EPM2AIP1: variants seen among roughly 807,000 people sequenced by gnomAD.
EPM2AIP1 encodes EPM2A-interacting protein 1.
In EPM2AIP1, 23 loss-of-function variants were observed where a neutral mutation model predicts 44.8. The observed-to-expected ratio is 0.51, with a 90% confidence interval of 0.37 to 0.73. The LOEUF (loss-of-function observed/expected upper bound fraction) is 0.73, where lower values mean the gene tolerates loss of function less well. Among genes scored for constraint, EPM2AIP1 ranks in the 30% least tolerant of loss-of-function variants. EPM2AIP1 has a pLI of 0.00. For missense variants in EPM2AIP1, 652 were observed against 743.9 expected (o/e 0.88, Z 1.44); for synonymous variants, 311 against 284.3 (o/e 1.09, Z -0.94).
At position 36,990,346 on chromosome 3, in the gene EPM2AIP1, A is replaced by G. The variant is rs780948401; in HGVS notation, c.*908T>C. ...AAATAAAGCAGCAATACCCACGCAG[A>G]TAAGACAAAAAAGCTAAAATATCTC... On this transcript the variant is annotated 3_prime_UTR_variant, in exon 1 of 1. Transcript: ENST00000322716. 8 of 890,092 alleles carry G rather than the reference A, an allele frequency of 9.0e-6. No homozygotes were observed. The highest frequency in any genetic ancestry group is 1.8e-5 in the African/African-American group (1 of 55,206). 55.1% of individuals were successfully genotyped at this position (890,092 alleles called of 1,614,324 possible).
chr3:36,990,584 C>G lies in EPM2AIP1; in HGVS notation c.*670G>C. 3.0e-6 allele frequency: 3 copies of G among 985,272 alleles called. No homozygotes were observed. Among genetic ancestry groups the G allele is most frequent in the Non-Finnish European group, 3.6e-6 (3 of 829,672 alleles). The allele number at this position is 985,272 out of a possible 1,614,324, so 61.0% of individuals were successfully genotyped here. On this transcript the variant is annotated 3_prime_UTR_variant, in exon 1 of 1. Transcript: ENST00000322716. ...GAAAACCCCCAATAATTAGTCTTATCTCCAAATTGCATGAAGTCTCCTATA... is the reference window on the plus strand; with the variant it reads ...GAAAACCCCCAATAATTAGTCTTATGTCCAAATTGCATGAAGTCTCCTATA...
chr3:36,989,446 T>G lies in EPM2AIP1; in HGVS notation c.*1808A>C, dbSNP rs1313132063. ...TATAACAGGACAGAGCCCTTAAATCTGATTCAATTATTAATTCCTGATTTA... is the reference window on the plus strand; with the variant it reads ...TATAACAGGACAGAGCCCTTAAATCGGATTCAATTATTAATTCCTGATTTA... On this transcript the variant is annotated 3_prime_UTR_variant, in exon 1 of 1. Coordinates refer to ENST00000322716, the MANE Select transcript of EPM2AIP1 (RefSeq NM_014805.4). The G allele has an allele frequency of 1.3e-5, 2 of 152,222 alleles. No homozygotes were observed. The highest frequency in any genetic ancestry group is 3.9e-4 in the East Asian group (2 of 5,184). The allele number at this position is 152,222 out of a possible 1,614,324, so 9.4% of individuals were successfully genotyped here.
chr3:36,991,695 T>A lies in EPM2AIP1; in HGVS notation c.1383A>T (p.Gln461His). The A allele has an allele frequency of 6.2e-7, 1 of 1,613,450 alleles. No individual in the cohort carries two copies. The highest frequency in any genetic ancestry group is 1.1e-5 in the South Asian group (1 of 91,040). ...DEKIFDPDRY[Q>H]MVICRLQKEF... ...CTTTTTGGAGACGACAGATCACCAT[T>A]TGATACCTATCAGGATCAAATATTT... Residue 461 changes from glutamine to histidine, a missense_variant, in exon 1 of 1, where the codon CAA becomes CAT. By Grantham distance (24) the Gln-to-His change is conservative. Coordinates refer to ENST00000322716, the MANE Select transcript of EPM2AIP1 (RefSeq NM_014805.4).
At position 36,992,587 on chromosome 3, in the gene EPM2AIP1, T is replaced by A; in HGVS notation, c.491A>T (p.Gln164Leu). 1 of 1,614,056 alleles carries A rather than the reference T, an allele frequency of 6.2e-7. No homozygotes were observed. The highest frequency in any genetic ancestry group is 8.5e-7 in the Non-Finnish European group (1 of 1,179,900). Residue 164 changes from glutamine to leucine, a missense_variant, in exon 1 of 1, where the codon CAG becomes CTG. Transcript: ENST00000322716. This position sits in a 1 kb window ranked among gnomAD's most constrained non-coding sequence, Gnocchi z 5.3. ...AAAGTCCCTGGCTCGGTTAAAAAGC[T>A]GGTTGCGTAGATTCCTGTCAATGCT... ...ILSIDRNLRN[Q>L]LFNRARDFKA...
Position 36,985,762 on chromosome 3 carries a change from A to G in EPM2AIP1, c.*5492T>C, listed in dbSNP as rs1346983234. 1.3e-5 allele frequency: 2 copies of G among 152,248 alleles called. No individual in the cohort carries two copies. Among genetic ancestry groups the G allele is most frequent in the African/African-American group, 2.4e-5 (1 of 41,470 alleles). 9.4% of individuals were successfully genotyped at this position (152,248 alleles called of 1,614,324 possible). The stretch of plus-strand genomic sequence containing the variant: ...AACTTTCTCTGTAAAGGGCCACAGA[A>G]TAAGTATTTTAGGTTTTGTGAGATG... On this transcript the variant is annotated 3_prime_UTR_variant, in exon 1 of 1. Coordinates refer to ENST00000322716, the MANE Select transcript of EPM2AIP1 (RefSeq NM_014805.4).
rs746801583 is a variant in EPM2AIP1, at chr3:36,992,808, G to A, written c.270C>T (p.Ser90=). 1.2e-5 allele frequency: 19 copies of A among 1,612,694 alleles called. No homozygotes were observed. Among genetic ancestry groups the A allele is most frequent in the Non-Finnish European group, 1.5e-5 (18 of 1,179,858 alleles). ...GAGCAGCTCTCTCTTCAGGAGTGAA[G>A]GAGGCCACGGGCAAGTCGCCCTGAC... ...RLRQGDLPVA[S]FTPEERAARA... is the part of the protein sequence containing the mutation. The change falls in exon 1 of 1, where the codon TCC becomes TCT. Residue 90 remains serine (S), a synonymous_variant. Coordinates refer to ENST00000322716, the MANE Select transcript of EPM2AIP1 (RefSeq NM_014805.4). The surrounding 1 kb of genome is among the most constrained non-coding windows in gnomAD (Gnocchi z 5.3).
chr3:36,991,752 A>G lies in EPM2AIP1; in HGVS notation c.1326T>C (p.Asp442=). Reference sequence around the variant, plus strand: ...CTTCCTTATTTTGCTGTTTTAGCTCATCAACAACTTCTCTGAGGGCAGGAA... The same window carrying G: ...CTTCCTTATTTTGCTGTTTTAGCTCGTCAACAACTTCTCTGAGGGCAGGAA... The part of the protein sequence containing the change: ...TDFPALREVV[D]ELKQQNKEDE... The change falls in exon 1 of 1, where the codon GAT becomes GAC. Residue 442 remains aspartate, a synonymous_variant. Transcript: ENST00000322716. 1 of 1,613,860 alleles carries G rather than the reference A, an allele frequency of 6.2e-7. No individual in the cohort carries two copies. The highest frequency in any genetic ancestry group is 1.6e-4 in the Middle Eastern group (1 of 6,062).
Position 36,992,396 on chromosome 3 carries a change from G to C in EPM2AIP1, c.682C>G (p.Leu228Val), listed in dbSNP as rs750146974. 1 of 1,613,792 alleles carries C rather than the reference G, an allele frequency of 6.2e-7. No individual in the cohort carries two copies. Among genetic ancestry groups the C allele is most frequent in the African/African-American group, 1.3e-5 (1 of 74,890 alleles). ...AGCCCTGCTGTCTGCAGGGACTCTA[G>C]GATTGCCGACATGAGCGCACCAACA... The part of the protein sequence containing the change: ...FSVGALMSAI[L>V]ESLQTAGLSL... The change falls in exon 1 of 1, where the codon CTA (leucine) becomes GTA (valine). Residue 228 changes from leucine (L) to valine (V), a missense_variant. Coordinates refer to ENST00000322716, the MANE Select transcript of EPM2AIP1 (RefSeq NM_014805.4). This position sits in a 1 kb window ranked among gnomAD's most constrained non-coding sequence, Gnocchi z 5.3.
chr3:36,990,611 C>G lies in EPM2AIP1; in HGVS notation c.*643G>C. The G allele has an allele frequency of 1.0e-6, 1 of 985,308 alleles. No individual in the cohort carries two copies. The highest frequency in any genetic ancestry group is 1.2e-6 in the Non-Finnish European group (1 of 829,650). 61.0% of individuals were successfully genotyped at this position (985,308 alleles called of 1,614,324 possible). ...CCAAATTGCATGAAGTCTCCTATAT[C>G]TGAAACTTAAAAATGATTCTAATGA... On this transcript the variant is annotated 3_prime_UTR_variant, in exon 1 of 1. Transcript: ENST00000322716.
In EPM2AIP1 at chr3:36,991,085, A is replaced by T; in HGVS notation, c.*169T>A. ...TCTCATGTTTCAGTCCCATGCTGCC[A>T]TTTGAGATGAAAAAAAAGGCAACTG... On this transcript the variant is annotated 3_prime_UTR_variant, in exon 1 of 1. Transcript: ENST00000322716. The T allele has an allele frequency of 7.5e-7, 1 of 1,339,822 alleles. No homozygotes were observed. The highest frequency in any genetic ancestry group is 9.6e-7 in the Non-Finnish European group (1 of 1,045,672). 83.0% of individuals were successfully genotyped at this position (1,339,822 alleles called of 1,614,324 possible).
In EPM2AIP1 at chr3:36,989,282, T is replaced by C. The variant is rs1465852630; in HGVS notation, c.*1972A>G. ...AAGCTATTGGGAAATTACCGGTAGA[T>C]TTTTCTGTTTTTTTTTTTCGGTTTT... On this transcript the variant is annotated 3_prime_UTR_variant, in exon 1 of 1. Transcript: ENST00000322716. 2.0e-5 allele frequency: 3 copies of C among 151,906 alleles called. No individual in the cohort carries two copies. Among genetic ancestry groups the C allele is most frequent in the Admixed American group, 2.0e-4 (3 of 15,244 alleles). The allele number at this position is 151,906 out of a possible 1,614,324, so 9.4% of individuals were successfully genotyped here.
rs2080777741 is a variant in EPM2AIP1, at chr3:36,987,653, A to G, written c.*3601T>C. ...AACAGAGAAAACCACAATTTGTTTA[A>G]CAGTCACATAATACATATTTAAGTC... On this transcript the variant is annotated 3_prime_UTR_variant, in exon 1 of 1. Coordinates refer to ENST00000322716, the MANE Select transcript of EPM2AIP1 (RefSeq NM_014805.4). 2 of 152,144 alleles carry G rather than the reference A, an allele frequency of 1.3e-5. No homozygotes were observed. The highest frequency in any genetic ancestry group is 4.1e-4 in the South Asian group (2 of 4,836). 9.4% of individuals were successfully genotyped at this position (152,144 alleles called of 1,614,324 possible).
In EPM2AIP1 at chr3:36,993,039, G is replaced by C. The variant is rs1416831925; in HGVS notation, c.39C>G (p.Asp13Glu). The C allele has an allele frequency of 6.2e-7, 1 of 1,610,974 alleles. No homozygotes were observed. The highest frequency in any genetic ancestry group is 8.5e-7 in the Non-Finnish European group (1 of 1,178,436). Reference protein sequence around the residue: ...MTPKRSKMEVDEALVFRPEWT... With the variant: ...MTPKRSKMEVEEALVFRPEWT... ...ACTCGGGCCGGAAAACTAGAGCCTC[G>C]TCGACTTCCATCTTGCTTCTTTTGG... Residue 13 changes from aspartate to glutamate, a missense_variant, in exon 1 of 1, where the codon GAC becomes GAG. Transcript: ENST00000322716.
Position 36,992,968 on chromosome 3 carries a change from G to A in EPM2AIP1, c.110C>T (p.Ala37Val). The A allele has an allele frequency of 6.2e-7, 1 of 1,613,032 alleles. No individual in the cohort carries two copies. Among genetic ancestry groups the A allele is most frequent in the Non-Finnish European group, 8.5e-7 (1 of 1,179,886 alleles). ...GAGGCGGCGACAGACCAGGCACAGG[G>A]CCCCATCGCCCTCCGGAGGCTCCAC... ...LVVEPPEGDG[A>V]LCLVCRRLIV... is the part of the protein sequence containing the mutation. Residue 37 changes from alanine (A) to valine (V), a missense_variant, in exon 1 of 1, where the codon GCC becomes GTC. Transcript: ENST00000322716. This position sits in a 1 kb window ranked among gnomAD's most constrained non-coding sequence, Gnocchi z 5.3.
rs1012488956 is a variant in EPM2AIP1 at position 36,985,537 on chromosome 3, G to A, written c.*5717C>T. On this transcript the variant is annotated 3_prime_UTR_variant, in exon 1 of 1. Coordinates refer to ENST00000322716, the MANE Select transcript of EPM2AIP1 (RefSeq NM_014805.4). ...CAAATATTTCTGGTTTTTCTCCCAG[G>A]TATATGCAAGGATCACACTCCTCCT... 1.3e-5 allele frequency: 2 copies of A among 152,158 alleles called. No individual in the cohort carries two copies. The highest frequency in any genetic ancestry group is 2.9e-5 in the Non-Finnish European group (2 of 68,034). The allele number at this position is 152,158 out of a possible 1,614,324, so 9.4% of individuals were successfully genotyped here. A position where few individuals can be genotyped will look rare whatever the true frequency, so the allele number is the denominator to read the frequency against.
rs1272356156 is a variant in EPM2AIP1 at position 36,991,210 on chromosome 3, G to A, written c.*44C>T. On this transcript the variant is annotated 3_prime_UTR_variant, in exon 1 of 1. Coordinates refer to ENST00000322716, the MANE Select transcript of EPM2AIP1 (RefSeq NM_014805.4). ...AAACTCAAACCAATTTTTGCTTTTA[G>A]AATTAAATTCTTGTTGAGTTTTTCA... 16 of 1,505,292 alleles carry A rather than the reference G, an allele frequency of 1.1e-5. No homozygotes were observed. The highest frequency in any genetic ancestry group is 1.4e-5 in the Non-Finnish European group (16 of 1,125,602). 93.2% of individuals were successfully genotyped at this position (1,505,292 alleles called of 1,614,324 possible).
Position 36,992,983 on chromosome 3 carries a change from G to A in EPM2AIP1, c.95C>T (p.Pro32Leu), listed in dbSNP as rs1036302604. The change falls in exon 1 of 1, where the codon CCG becomes CTG. Residue 32 changes from proline (P) to leucine (L), a missense_variant. Physicochemically the swap from Pro to Leu is moderately conservative, Grantham distance 98. Transcript: ENST00000322716. This position sits in a 1 kb window ranked among gnomAD's most constrained non-coding sequence, Gnocchi z 5.3. Reference protein sequence around the residue: ...WTQRYLVVEPPEGDGALCLVC... With the variant: ...WTQRYLVVEPLEGDGALCLVC... ...CAGGCACAGGGCCCCATCGCCCTCC[G>A]GAGGCTCCACCACCAAATAACGCTG... 6.2e-7 allele frequency: 1 copy of A among 1,613,120 alleles called. No homozygotes were observed. Among genetic ancestry groups the A allele is most frequent in the African/African-American group, 1.3e-5 (1 of 75,062 alleles).
In EPM2AIP1 at chr3:36,988,974, CTTTTTTCTTTTTCTTTTTTTTTT is replaced by C. The variant is rs1559494844; in HGVS notation, c.*2257_*2279del. On this transcript the variant is annotated 3_prime_UTR_variant, in exon 1 of 1. Coordinates refer to ENST00000322716, the MANE Select transcript of EPM2AIP1 (RefSeq NM_014805.4). The stretch of plus-strand genomic sequence containing the variant: ...TTAATACAGAAAACAGTAAAATACA[CTTTTTTCTTTTTCTTTTTTTTTT>C]TTTTTTTTTACAAACAAGACTAGCT... 3.6e-5 allele frequency: 5 copies of C among 139,256 alleles called. No homozygotes were observed. The highest frequency in any genetic ancestry group is 1.1e-4 in the African/African-American group (4 of 34,820). 8.6% of individuals were successfully genotyped at this position (139,256 alleles called of 1,614,324 possible). A position where few individuals can be genotyped will look rare whatever the true frequency, so the allele number is the denominator to read the frequency against.
chr3:36,985,185 A>G lies in EPM2AIP1; in HGVS notation c.*6069T>C, dbSNP rs1178457263. ...AAAACATGAACTGCTACTACATATA[A>G]CATGGATTACTCTCACAGATACAAT... On this transcript the variant is annotated 3_prime_UTR_variant, in exon 1 of 1. Coordinates refer to ENST00000322716, the MANE Select transcript of EPM2AIP1 (RefSeq NM_014805.4). The G allele has an allele frequency of 2.0e-5, 3 of 152,242 alleles. No individual in the cohort carries two copies. Among genetic ancestry groups the G allele is most frequent in the Non-Finnish European group, 4.4e-5 (3 of 68,028 alleles). The allele number at this position is 152,242 out of a possible 1,614,324, so 9.4% of individuals were successfully genotyped here.
Sources: gnomAD v4.1 joint callset for allele counts on GRCh38, gnomAD v4.1.1 for gene constraint, Gnocchi (gnomAD v3.1) non-coding constraint, MANE v1.5 for transcripts, NCBI Gene and HGNC (gene_info 2026-07-23, HGNC 2026-07-21) for gene names.